The following USP13 variants were observed in gnomAD, a reference collection of about 807,000 sequenced individuals.
USP13 encodes ubiquitin specific peptidase 13.
Under a neutral mutation model 107.8 loss-of-function variants are expected in USP13, and 68 were observed. That is an observed-to-expected ratio of 0.63 (90% confidence interval 0.52 to 0.77). USP13 has a LOEUF of 0.77. Ranked by LOEUF, USP13 falls within the 30% of genes least tolerant of loss-of-function variation. USP13 has a pLI of 0.00. For missense variants in USP13, 945 were observed against 1,093.3 expected, an observed-to-expected ratio of 0.86 and a Z score of 1.91; for synonymous variants, 377 against 389.5, an observed-to-expected ratio of 0.97 and a Z score of 0.38.
At chr3:179,767,279 A>G (rs1715204094) in intron 19 of USP13, among the ~76,000 whole-genome samples, 1 of 152,140 alleles carries the variant, frequency 6.6e-6, no homozygotes, top group Non-Finnish European at 1.5e-5. Context: ...TCCCCATTTT[A>G]CAGGTGAAGA....
chr3:179,766,495 A>G (rs1412089399), intron 19 of USP13, among the ~76,000 whole-genome samples: 3 of 152,194 alleles, frequency 2.0e-5, no homozygotes, highest in African/African-American at 4.8e-5. Flanking sequence ...TTTTTTGAGT[A>G]GTAGCAAAGT....
chr3:179,708,951 G>T lies in USP13; in HGVS notation c.799G>T (p.Gly267Trp). Residue 267 changes from glycine (G) to tryptophan (W), a missense_variant, in exon 6 of 21, where the codon GGG (glycine) becomes TGG (tryptophan). Coordinates refer to ENST00000263966, the MANE Select transcript of USP13 (RefSeq NM_003940.3). The part of the protein sequence containing the change: ...AVKLGTITPD[G>W]ADVYSFQEEE... ...GAAACTGGGAACCATCACTCCTGACGGGGCAGGTGAGTGCGCCTTTACCGA... is the reference window on the plus strand; with the variant it reads ...GAAACTGGGAACCATCACTCCTGACTGGGCAGGTGAGTGCGCCTTTACCGA... The T allele has an allele frequency of 6.2e-6, 10 of 1,613,662 alleles. No individual in the cohort carries two copies. Among genetic ancestry groups the T allele is most frequent in the Non-Finnish European group, 8.5e-6 (10 of 1,179,742 alleles).
In USP13 at chr3:179,742,109, T is replaced by A; in HGVS notation, c.1381-88T>A. Reference sequence around the variant, plus strand: ...AGGAAATGTTTAATAAAGCCAAGTGTTTACACCGGGTTTAGAGTTCATTTT... The same window carrying A: ...AGGAAATGTTTAATAAAGCCAAGTGATTACACCGGGTTTAGAGTTCATTTT... On this transcript the variant is annotated intron_variant, in intron 11 of 20. Transcript: ENST00000263966. The surrounding 1 kb of genome is among the most constrained non-coding windows in gnomAD (Gnocchi z 5.0). The A allele has an allele frequency of 1.3e-6, 2 of 1,529,922 alleles. No homozygotes were observed. Among genetic ancestry groups the A allele is most frequent in the South Asian group, 2.4e-5 (2 of 82,876 alleles). The allele number at this position is 1,529,922 out of a possible 1,614,324, so 94.8% of individuals were successfully genotyped here.
chr3:179,733,392 G>A (rs781571997), intron 10 of USP13, among the ~76,000 whole-genome samples: 4 of 152,120 alleles, frequency 2.6e-5, no homozygotes, highest in African/African-American at 7.2e-5. Context: ...GGGGGTGTCC[G>A]TTTCAAGCTG....
intron 19 of USP13, among the ~76,000 whole-genome samples, chr3:179,779,228 C>T (rs1715656373): frequency 7.0e-6 from 1 of 142,298 alleles, no homozygotes; most frequent in African/African-American, 3.0e-5. Flanking sequence ...AATTTGACTT[C>T]CATTAAAAAA....
intron 1 of USP13, among the ~76,000 whole-genome samples, chr3:179,663,130 A>G (rs1720499980): frequency 1.3e-5 from 2 of 152,314 alleles, no homozygotes; most frequent in Non-Finnish European, 2.9e-5. Context: ...TGTACCCTTT[A>G]AACAATGACT....
At chr3:179,690,168 G>T in intron 2 of USP13, 73 bp from the exon 3 acceptor site, 1 of 1,428,580 alleles carries the variant, frequency 7.0e-7, no homozygotes, top group South Asian at 1.2e-5. Context: ...AGGAACCTCT[G>T]AGATGTGCTT....
chr3:179,692,068 T>G (rs1301769258), intron 3 of USP13, among the ~76,000 whole-genome samples: 1 of 152,228 alleles, frequency 6.6e-6, no homozygotes, highest in Non-Finnish European at 1.5e-5. Flanking sequence ...TGCATGCATG[T>G]ATGAATGTAT....
intron 10 of USP13, among the ~76,000 whole-genome samples, chr3:179,738,167 A>G (rs1392782943): frequency 1.3e-5 from 2 of 152,248 alleles, no homozygotes; most frequent in African/African-American, 4.8e-5. Context: ...ACAGACCAGA[A>G]GCAGGCTGAA....
intron 3 of USP13, among the ~76,000 whole-genome samples, chr3:179,698,155 C>G (rs1712386519): frequency 6.6e-6 from 1 of 152,180 alleles, no homozygotes; most frequent in Non-Finnish European, 1.5e-5. Flanking sequence ...TCTGAGCTGA[C>G]AGTCTAGAAG....
chr3:179,765,684 TTTG>T lies in USP13; in HGVS notation c.2260-5_2260-3del. ...GCATTGTAAAAACATCTGTTTCTTT[TTTG>T]TTGTTAGAATAATAACCTGGAAAGA... On this transcript the variant is annotated splice_region_variant and splice_polypyrimidine_tract_variant and intron_variant, in intron 18 of 20. Coordinates refer to ENST00000263966, the MANE Select transcript of USP13 (RefSeq NM_003940.3). 1 of 1,613,550 alleles carries T rather than the reference TTTG, an allele frequency of 6.2e-7. No homozygotes were observed. The highest frequency in any genetic ancestry group is 8.5e-7 in the Non-Finnish European group (1 of 1,179,722).
chr3:179,730,719 C>T lies in USP13; in HGVS notation c.1254+10C>T, dbSNP rs79411927. 1.5e-4 allele frequency: 239 copies of T among 1,611,418 alleles called. 3 individuals are homozygous for T. The Admixed American group carries it at 3.4e-3, about 23-fold the overall frequency. ...GAAGGAGGAGCACAAGGTATGTGTCCGAGCGTTTGCCATGTTGACATGTAG... is the reference window on the plus strand; with the variant it reads ...GAAGGAGGAGCACAAGGTATGTGTCTGAGCGTTTGCCATGTTGACATGTAG... On this transcript the variant is annotated intron_variant, in intron 10 of 20. Coordinates refer to ENST00000263966, the MANE Select transcript of USP13 (RefSeq NM_003940.3).
chr3:179,781,920 G>A (rs1715761927), intron 20 of USP13, 97 bp downstream of exon 20: 1 of 1,117,638 alleles, frequency 8.9e-7, no homozygotes, highest in African/African-American at 1.5e-5. Flanking sequence ...TATCTTATTT[G>A]GTTCTCACAT....
At chr3:179,768,701 A>G (rs576394495) in intron 19 of USP13, among the ~76,000 whole-genome samples, 53 of 152,320 alleles carry the variant, frequency 3.5e-4, no homozygotes, top group Middle Eastern at 3.4e-3. Context: ...TCAGCAAATA[A>G]CTGATTGAAT....
Position 179,653,450 on chromosome 3 carries a change from C to T in USP13, c.168+57C>T. The T allele has an allele frequency of 6.6e-7, 1 of 1,524,712 alleles. No individual in the cohort carries two copies. The highest frequency in any genetic ancestry group is 2.5e-5 in the East Asian group (1 of 39,344). 94.4% of individuals were successfully genotyped at this position (1,524,712 alleles called of 1,614,324 possible). The stretch of plus-strand genomic sequence containing the variant: ...GGCCGGCGGCCTGCGGCACGTGAAG[C>T]CGGGGGAGAAGATGCGCAGTGGCGG... On this transcript the variant is annotated intron_variant, in intron 1 of 20. Transcript: ENST00000263966. This position sits in a 1 kb window ranked among gnomAD's most constrained non-coding sequence, Gnocchi z 4.0.
chr3:179,653,375 CT>C lies in USP13; in HGVS notation c.152del (p.Phe51SerfsTer16). On this transcript the variant is annotated frameshift_variant, in exon 1 of 21. Coordinates refer to ENST00000263966, the MANE Select transcript of USP13 (RefSeq NM_003940.3). LOFTEE classifies it high-confidence loss of function. This position sits in a 1 kb window ranked among gnomAD's most constrained non-coding sequence, Gnocchi z 4.0. Reference protein sequence around the residue: ...GDRVYKNECAFSYDSPNSEGG... With the variant: ...GDRVYKNECAXSYDSPNSEGG... ...ACAGGGTCTACAAGAACGAGTGCGCCTTCTCCTACGACTCTCCCGTAAGTGA... is the reference window on the plus strand; with the variant it reads ...ACAGGGTCTACAAGAACGAGTGCGCCTCTCCTACGACTCTCCCGTAAGTGA... The C allele has an allele frequency of 6.4e-7, 1 of 1,566,520 alleles. No individual in the cohort carries two copies.
chr3:179,733,977 G>A (rs1713898262), intron 10 of USP13, among the ~76,000 whole-genome samples: 1 of 152,124 alleles, frequency 6.6e-6, no homozygotes, highest in Non-Finnish European at 1.5e-5. Flanking sequence ...CTTATTTCAG[G>A]CTCCCAGTGC....
chr3:179,730,570 A>G lies in USP13; in HGVS notation c.1161-46A>G, dbSNP rs201531406. ...ATAGATAAATTTAATATTACTATGG[A>G]AAAACAACAATGACCTTTTTGTTTC... is the stretch of plus-strand genomic sequence containing the variant. On this transcript the variant is annotated intron_variant, in intron 9 of 20. Transcript: ENST00000263966. The G allele has an allele frequency of 3.4e-4, 509 of 1,516,150 alleles. 1 individual carries two copies. The highest frequency in any genetic ancestry group is 5.0e-5 in the Non-Finnish European group (55 of 1,102,178). The allele number at this position is 1,516,150 out of a possible 1,614,324, so 93.9% of individuals were successfully genotyped here.
chr3:179,780,163 T>C (rs556224001), intron 19 of USP13, among the ~76,000 whole-genome samples: 1 of 152,308 alleles, frequency 6.6e-6, no homozygotes, highest in South Asian at 2.1e-4. Flanking sequence ...CCTCCTAAGA[T>C]CAGGAAGAAG....
Sources: gnomAD v4.1 joint callset for allele counts (sites outside exome capture counted in the v4.1 genomes callset) on GRCh38, gnomAD v4.1.1 for gene constraint, Gnocchi (gnomAD v3.1) non-coding constraint, MANE v1.5 for transcripts, NCBI Gene and HGNC (gene_info 2026-07-23, HGNC 2026-07-21) for gene names.